The following QKI variants were observed in gnomAD, a reference collection of about 807,000 sequenced individuals.
The protein encoded by QKI is QKI, KH domain containing RNA binding.
QKI carries 10 observed loss-of-function variants against 39.0 expected under a neutral mutation model. The ratio of observed to expected loss-of-function variants is 0.26; its 90% CI spans 0.16 to 0.43. QKI has a LOEUF of 0.43. Among genes scored for constraint, QKI ranks in the 20% least tolerant of loss-of-function variants. The pLI is 1.00. For synonymous variants in QKI, 204 were observed against 155.4 expected (o/e 1.31, Z -2.33); for missense variants, 218 against 428.0 (o/e 0.51, Z 4.33).
At chr6:163,553,373 AT>A (rs1334296641) in intron 4 of QKI, among the ~76,000 whole-genome samples, 2 of 152,084 alleles carry the variant, frequency 1.3e-5, no homozygotes, top group Non-Finnish European at 2.9e-5. Context: ...AAGTGCTGAG[AT>A]TACAGGCATG....
chr6:163,455,513 GCC>G, intron 2 of QKI, 92 bp downstream of exon 2: 1 of 1,281,328 alleles, frequency 7.8e-7, no homozygotes, highest in Admixed American at 2.3e-5. Context: ...AGCATTATTA[GCC>G]ACTTTAAAAA....
At chr6:163,570,094 T>G (rs1246050222) in intron 7 of QKI, 1 of 986,000 alleles carries the variant, frequency 1.0e-6, no homozygotes, top group African/African-American at 1.7e-5. Context: ...TTCCATGTTG[T>G]TTGTAAATAG....
At chr6:163,506,062 A>C (rs944282226) in intron 3 of QKI, among the ~76,000 whole-genome samples, 8 of 145,648 alleles carry the variant, frequency 5.5e-5, no homozygotes, top group South Asian at 2.2e-4. Context: ...ATGTGTTCCC[A>C]CCCCGCCCGC....
chr6:163,535,395 T>G (rs546439908), intron 4 of QKI, among the ~76,000 whole-genome samples: 1 of 152,238 alleles, frequency 6.6e-6, no homozygotes, highest in African/African-American at 2.4e-5. Flanking sequence ...TTCTCCTTCC[T>G]TCCCGGTTTC....
rs530503759 is a variant in QKI, at chr6:163,504,592, T to C, written c.402+25696T>C. Among the ~76,000 whole-genome samples, 3 of 152,318 alleles carry C rather than the reference T, an allele frequency of 2.0e-5. No homozygotes were observed. The East Asian group carries it at 5.8e-4, about 29-fold the overall frequency. ...GAGATCTTTTAACTTCTTGGCTGGATGTATTTCTAGGTTTTGAGGGTGTGA... is the reference window on the plus strand; with the variant it reads ...GAGATCTTTTAACTTCTTGGCTGGACGTATTTCTAGGTTTTGAGGGTGTGA... On this transcript the variant is annotated intron_variant, in intron 3 of 7. Transcript: ENST00000361752.
chr6:163,509,597 G>A (rs1779311906), intron 3 of QKI, among the ~76,000 whole-genome samples: 1 of 151,896 alleles, frequency 6.6e-6, no homozygotes, highest in Non-Finnish European at 1.5e-5. Flanking sequence ...ATTGTAAGTA[G>A]GCCTTGAAAA....
intron 1 of QKI, among the ~76,000 whole-genome samples, chr6:163,454,752 A>C (rs1287134749): frequency 5.9e-5 from 9 of 152,220 alleles, no homozygotes; most frequent in Admixed American, 5.9e-4. Context: ...TTTGTATATG[A>C]AACTCAGACT....
intron 4 of QKI, among the ~76,000 whole-genome samples, chr6:163,537,860 C>G (rs904316506): frequency 1.1e-4 from 17 of 152,186 alleles, no homozygotes; most frequent in African/African-American, 4.1e-4. Context: ...ACTTTGCAGT[C>G]TATTGTTACC....
intron 3 of QKI, among the ~76,000 whole-genome samples, chr6:163,522,191 A>G (rs773328693): frequency 2.6e-5 from 4 of 152,136 alleles, no homozygotes; most frequent in South Asian, 2.1e-4. Context: ...GTCAACCCTC[A>G]TATGTGCTTT....
intron 1 of QKI, among the ~76,000 whole-genome samples, chr6:163,425,053 A>G (rs1788307933): frequency 6.6e-6 from 1 of 152,360 alleles, no homozygotes; most frequent in African/African-American, 2.4e-5. Context: ...ATGTAGGTTC[A>G]GCTAGTTTTT....
At chr6:163,478,575 T>C (rs956063066) in intron 2 of QKI, among the ~76,000 whole-genome samples, 2 of 152,222 alleles carry the variant, frequency 1.3e-5, no homozygotes, top group Admixed American at 6.5e-5. Context: ...TGTTAATACT[T>C]GTGAAAATAT....
intron 5 of QKI, 85 bp downstream of exon 5, chr6:163,562,154 A>G: frequency 2.3e-6 from 2 of 882,110 alleles, no homozygotes; most frequent in Non-Finnish European, 3.4e-6. Flanking sequence ...ACACAATAAT[A>G]GTTCATACAA....
intron 3 of QKI, among the ~76,000 whole-genome samples, chr6:163,483,144 T>A (rs1336382301): frequency 6.6e-6 from 1 of 152,222 alleles, no homozygotes; most frequent in African/African-American, 2.4e-5. Context: ...GTCTATTAAA[T>A]TTGTAACAGC....
intron 4 of QKI, among the ~76,000 whole-genome samples, chr6:163,554,886 T>A (rs958732057): frequency 2.0e-5 from 3 of 152,196 alleles, no homozygotes; most frequent in African/African-American, 7.2e-5. Flanking sequence ...CCCCCAGCAG[T>A]CCATCCACAA....
chr6:163,436,789 C>CAAAAAAAAAA (rs60899517), intron 1 of QKI, among the ~76,000 whole-genome samples: 1 of 89,438 alleles, frequency 1.1e-5, no homozygotes, highest in Admixed American at 1.4e-4. Context: ...GACTCCGTCT[C>CAAAAAAAAAA]AAAAAAAAAA....
intron 1 of QKI, among the ~76,000 whole-genome samples, chr6:163,448,966 T>C (rs1046152960): frequency 6.6e-6 from 1 of 152,174 alleles, no homozygotes; most frequent in African/African-American, 2.4e-5. Context: ...TTCATAAGGT[T>C]ACACACCAGC....
chr6:163,461,508 A>G (rs552408442), intron 2 of QKI, among the ~76,000 whole-genome samples: 7 of 152,186 alleles, frequency 4.6e-5, no homozygotes, highest in Admixed American at 1.3e-4. Context: ...ACGTTTGTCT[A>G]TGGTTTATCT....
At chr6:163,524,862 G>A (rs747163506) in intron 3 of QKI, among the ~76,000 whole-genome samples, 37 of 151,984 alleles carry the variant, frequency 2.4e-4, no homozygotes, top group Non-Finnish European at 4.7e-4. Flanking sequence ...CTTAAATGAC[G>A]GGTACTCGTC....
chr6:163,434,639 C>T (rs1212062416), intron 1 of QKI, among the ~76,000 whole-genome samples: 1 of 151,686 alleles, frequency 6.6e-6, no homozygotes, highest in Admixed American at 6.6e-5. Flanking sequence ...GGTGTGAACC[C>T]AGGAGGCGGA....
Sources: allele counts gnomAD v4.1 joint callset (sites outside exome capture counted in the v4.1 genomes callset), GRCh38; gene constraint gnomAD v4.1.1; transcripts MANE v1.5; gene names NCBI Gene and HGNC (gene_info 2026-07-23, HGNC 2026-07-21).